NFX1: variants seen among roughly 807,000 people sequenced by gnomAD.
The protein encoded by NFX1 is transcriptional repressor NF-X1.
Under a neutral mutation model 137.2 loss-of-function variants are expected in NFX1, and 69 were observed. That is an observed-to-expected ratio of 0.50 (90% CI 0.41 to 0.61). The LOEUF (loss-of-function observed/expected upper bound fraction) is 0.61. Among genes scored for constraint, NFX1 ranks in the 20% least tolerant of loss-of-function variants. NFX1 has a pLI of 0.00. For missense variants in NFX1, 1,167 were observed against 1,391.0 expected (o/e 0.84, Z 2.56); for synonymous variants, 495 against 474.1 (o/e 1.04, Z -0.57).
At chr9:33,369,333 G>GAT (rs1824261444) in intron 23 of NFX1, among the ~76,000 whole-genome samples, 1 of 152,156 alleles carries the variant, frequency 6.6e-6, no homozygotes, top group South Asian at 2.1e-4. Flanking sequence ...AAAGTGCTGA[G>GAT]ATTACAGGCG....
intron 14 of NFX1, among the ~76,000 whole-genome samples, chr9:33,345,321 A>G (rs932339325): frequency 6.6e-6 from 1 of 151,880 alleles, no homozygotes; most frequent in East Asian, 1.9e-4. Context: ...TACTAAAAAT[A>G]CAAAACTTAG....
intron 6 of NFX1, among the ~76,000 whole-genome samples, chr9:33,313,045 T>C (rs1822020009): frequency 3.3e-5 from 5 of 152,190 alleles, no homozygotes; most frequent in Admixed American, 3.3e-4. Flanking sequence ...TCTGAGTGTG[T>C]CAGATCTGGG....
intron 2 of NFX1, 102 bp downstream of exon 2, chr9:33,295,529 T>G: frequency 7.7e-7 from 1 of 1,300,702 alleles, no homozygotes. Flanking sequence ...TATGGAAAGT[T>G]ACACTGTAAA....
chr9:33,364,179 T>G, intron 20 of NFX1, 71 bp downstream of exon 20: 1 of 974,400 alleles, frequency 1.0e-6, no homozygotes, highest in East Asian at 2.5e-5. Context: ...ATGTCATAAC[T>G]AATATGTACT....
At chr9:33,318,653 T>C in intron 7 of NFX1, 78 bp from the exon 8 acceptor site, 2 of 1,368,136 alleles carry the variant, frequency 1.5e-6, no homozygotes, top group Admixed American at 3.5e-5. Flanking sequence ...CATTTTGTAT[T>C]TTCTTATAGA....
chr9:33,345,661 T>C (rs1823394379), intron 14 of NFX1, among the ~76,000 whole-genome samples: 1 of 152,090 alleles, frequency 6.6e-6, no homozygotes, highest in Non-Finnish European at 1.5e-5. Flanking sequence ...ACTAGCTTTT[T>C]TTCCCACTCT....
At chr9:33,341,218 G>C (rs1402802249) in intron 12 of NFX1, among the ~76,000 whole-genome samples, 1 of 152,198 alleles carries the variant, frequency 6.6e-6, no homozygotes, top group Non-Finnish European at 1.5e-5. Flanking sequence ...CACAATCATG[G>C]TGGGAGGCAA....
chr9:33,351,959 C>A, intron 16 of NFX1, 169 bp downstream of exon 16: 1 of 609,450 alleles, frequency 1.6e-6, no homozygotes. Context: ...TTCTGCCTGC[C>A]CAACTTGGTA....
chr9:33,298,148 CTAAAAAGAAA>C (rs1161879891), intron 2 of NFX1, among the ~76,000 whole-genome samples: 3 of 152,062 alleles, frequency 2.0e-5, no homozygotes, highest in Non-Finnish European at 4.4e-5. Context: ...GTGATAAGGA[CTAAAAAGAAA>C]TATTAAGAAG....
At chr9:33,358,170 G>C (rs535279669) in intron 19 of NFX1, among the ~76,000 whole-genome samples, 2 of 151,896 alleles carry the variant, frequency 1.3e-5, no homozygotes, top group Non-Finnish European at 2.9e-5. Context: ...TGTTTCCCAG[G>C]CTGGAGTGCA....
chr9:33,333,278 G>A (rs1159164615), intron 11 of NFX1, among the ~76,000 whole-genome samples: 1 of 152,208 alleles, frequency 6.6e-6, no homozygotes, highest in African/African-American at 2.4e-5. Context: ...GTATTGGTTA[G>A]GAAGCTTCTG....
chr9:33,361,724 G>C lies in NFX1; in HGVS notation c.2874-2286G>C, dbSNP rs575001223. ...GGAGGTGGAGGTTGCAGTGAACCGA[G>C]ATCATGCTATTGTACTCCAGCCTGG... is the stretch of plus-strand genomic sequence containing the variant. On this transcript the variant is annotated intron_variant, in intron 19 of 23. Coordinates refer to ENST00000379540, the MANE Select transcript of NFX1 (RefSeq NM_002504.6). Among the ~76,000 whole-genome samples, 5 of 152,260 alleles carry C rather than the reference G, an allele frequency of 3.3e-5. No homozygotes were observed. The South Asian group carries it at 8.3e-4, about 25-fold the overall frequency.
intron 19 of NFX1, among the ~76,000 whole-genome samples, chr9:33,360,960 T>C (rs775837177): frequency 2.0e-4 from 30 of 152,154 alleles, no homozygotes; most frequent in Non-Finnish European, 3.8e-4. Flanking sequence ...TAAAATAACT[T>C]GAATGTTGGT....
At chr9:33,357,667 G>A (rs1267388490) in intron 19 of NFX1, among the ~76,000 whole-genome samples, 7 of 151,324 alleles carry the variant, frequency 4.6e-5, no homozygotes, top group Admixed American at 3.3e-4. Flanking sequence ...AAATAGATAG[G>A]ACTACAGGCA....
chr9:33,345,284 C>G (rs1823378583), intron 14 of NFX1, among the ~76,000 whole-genome samples: 1 of 152,138 alleles, frequency 6.6e-6, no homozygotes, highest in African/African-American at 2.4e-5. Context: ...TGAGACCAGT[C>G]TGGCCAACAT....
At chr9:33,336,606 A>C (rs984792421) in intron 11 of NFX1, among the ~76,000 whole-genome samples, 1 of 152,128 alleles carries the variant, frequency 6.6e-6, no homozygotes, top group South Asian at 2.1e-4. Flanking sequence ...GTTAGGTTTT[A>C]AAATCTATTT....
At chr9:33,322,316 A>G (rs1049218215) in intron 9 of NFX1, among the ~76,000 whole-genome samples, 2 of 152,070 alleles carry the variant, frequency 1.3e-5, no homozygotes, top group Non-Finnish European at 2.9e-5. Flanking sequence ...AGTCTGTGGC[A>G]TTGAGCCCTA....
At position 33,352,719 on chromosome 9, in the gene NFX1, G is replaced by A; in HGVS notation, c.2729G>A (p.Arg910Lys). The A allele has an allele frequency of 6.2e-7, 1 of 1,613,098 alleles. No individual in the cohort carries two copies. Among genetic ancestry groups the A allele is most frequent in the Non-Finnish European group, 8.5e-7 (1 of 1,179,072 alleles). Residue 910 changes from arginine to lysine, a missense_variant and splice_region_variant, in exon 17 of 24, where the codon AGA becomes AAA. Arg to Lys is a conservative substitution (Grantham distance 26). Coordinates refer to ENST00000379540, the MANE Select transcript of NFX1 (RefSeq NM_002504.6). ...TCTGAAGCATCTAGTACTTATCAAA[G>A]GTTAGTGTTACTTAAATGTTAACAA... ...ICSEASSTYQ[R>K]IAAISMASKI...
intron 21 of NFX1, 26 bp downstream of exon 21, chr9:33,364,800 C>G (rs1387210557): frequency 1.9e-6 from 3 of 1,612,244 alleles, no homozygotes; most frequent in South Asian, 2.2e-5. Context: ...TCCCACTGGA[C>G]ATTTCTCTAA....
Sources: allele counts gnomAD v4.1 joint callset (sites outside exome capture counted in the v4.1 genomes callset), GRCh38; gene constraint gnomAD v4.1.1; transcripts MANE v1.5; gene names NCBI Gene and HGNC (gene_info 2026-07-23, HGNC 2026-07-21).